The following PAPPA2 variants were observed in gnomAD, a reference collection of about 807,000 sequenced individuals.
PAPPA2 encodes pappalysin 2, also known as pappalysin-2.
PAPPA2 carries 86 observed loss-of-function variants against 176.4 expected under a neutral mutation model. That is an observed-to-expected ratio of 0.49 (90% CI 0.41 to 0.58). The LOEUF (loss-of-function observed/expected upper bound fraction) is 0.58, where lower values mean the gene tolerates loss of function less well. Ranked by LOEUF, PAPPA2 falls within the 20% of genes least tolerant of loss-of-function variation. The pLI, the probability that PAPPA2 is intolerant of heterozygous loss-of-function variation, is 0.00. For missense variants in PAPPA2, 2,073 were observed against 2,256.9 expected, an observed-to-expected ratio of 0.92 and a Z score of 1.65; for synonymous variants, 809 against 852.2, an observed-to-expected ratio of 0.95 and a Z score of 0.88.
At chr1:176,702,006 T>C (rs972269170) in intron 8 of PAPPA2, among the ~76,000 whole-genome samples, 3 of 152,176 alleles carry the variant, frequency 2.0e-5, no homozygotes, top group African/African-American at 7.2e-5. Context: ...ACCTACACAC[T>C]TTAATAGATT....
rs956050524 is a variant in PAPPA2 at position 176,502,947 on chromosome 1, G to A, written c.-917+39529G>A. Among the ~76,000 whole-genome samples, 3 of 152,212 alleles carry A rather than the reference G, an allele frequency of 2.0e-5. No homozygotes were observed. In the South Asian group the frequency reaches 6.2e-4, roughly 32 times the overall value. On this transcript the variant is annotated intron_variant, in intron 1 of 22. Transcript: ENST00000367662. ...CAGTAATCTGTATAGTTAAACACTG[G>A]GGAATAAACATTGTATTACTTGACT... is the stretch of plus-strand genomic sequence containing the variant.
intron 14 of PAPPA2, among the ~76,000 whole-genome samples, chr1:176,743,219 G>A (rs964191378): frequency 6.6e-6 from 1 of 152,066 alleles, no homozygotes; most frequent in African/African-American, 2.4e-5. Flanking sequence ...AAGCATGCAC[G>A]GTTTTTATTT....
At chr1:176,576,465 C>T (rs1378004393) in intron 2 of PAPPA2, among the ~76,000 whole-genome samples, 2 of 125,518 alleles carry the variant, frequency 1.6e-5, no homozygotes, top group Non-Finnish European at 3.3e-5. Context: ...TAGGGAAACA[C>T]GTCAATGGGG....
rs1661082018 is a variant in PAPPA2, at chr1:176,710,178, T to A, written c.3651+2T>A. On this transcript the variant is annotated splice_donor_variant, in intron 11 of 22. Transcript: ENST00000367662. LOFTEE classifies it high-confidence loss of function. ...GTAACTGGAGAACCTCATTCCCTAG[T>A]AAGTTAAGCCAGATGAATAGAGTCG... The A allele has an allele frequency of 6.2e-7, 1 of 1,612,762 alleles. No individual in the cohort carries two copies. The highest frequency in any genetic ancestry group is 8.5e-7 in the Non-Finnish European group (1 of 1,179,324).
chr1:176,836,471 C>T (rs564132695), intron 21 of PAPPA2, among the ~76,000 whole-genome samples: 65 of 152,314 alleles, frequency 4.3e-4, no homozygotes, highest in African/African-American at 1.5e-3. Context: ...TCAGCATGGT[C>T]TTGAGTTCTG....
chr1:176,604,463 G>A (rs1573112984), intron 3 of PAPPA2, among the ~76,000 whole-genome samples: 1 of 152,238 alleles, frequency 6.6e-6, no homozygotes, highest in Non-Finnish European at 1.5e-5. Context: ...ACAGTGGTTG[G>A]CAAACCATGG....
intron 4 of PAPPA2, among the ~76,000 whole-genome samples, chr1:176,672,057 A>T (rs1659035884): frequency 6.6e-6 from 1 of 151,412 alleles, no homozygotes; most frequent in African/African-American, 2.4e-5. Context: ...AACTTAAAGT[A>T]TAATAATAAT....
rs981678159 is a variant in PAPPA2, at chr1:176,844,682, T to G, written c.*2228T>G. On this transcript the variant is annotated 3_prime_UTR_variant, in exon 23 of 23. Coordinates refer to ENST00000367662, the MANE Select transcript of PAPPA2 (RefSeq NM_020318.3). ...GTTTAGACACTCTATTTTCAAAATT[T>G]TATAAACTTGTTTTATTGGGGAAAA... 1 of 152,162 alleles carries G rather than the reference T, an allele frequency of 6.6e-6. No individual in the cohort carries two copies. Among genetic ancestry groups the G allele is most frequent in the African/African-American group, 2.4e-5 (1 of 41,454 alleles). 9.4% of individuals were successfully genotyped at this position (152,162 alleles called of 1,614,324 possible).
chr1:176,675,580 A>G (rs1274619597), intron 4 of PAPPA2, among the ~76,000 whole-genome samples: 1 of 152,096 alleles, frequency 6.6e-6, no homozygotes, highest in East Asian at 1.9e-4. Context: ...AAAATTTACA[A>G]ACTGAAGCTC....
At chr1:176,635,062 T>G (rs1267800731) in intron 3 of PAPPA2, among the ~76,000 whole-genome samples, 1 of 152,012 alleles carries the variant, frequency 6.6e-6, no homozygotes, top group Non-Finnish European at 1.5e-5. Context: ...GGGAAATAAC[T>G]ACATGTTAGA....
At chr1:176,514,394 C>A (rs1450849701) in intron 1 of PAPPA2, among the ~76,000 whole-genome samples, 1 of 152,158 alleles carries the variant, frequency 6.6e-6, no homozygotes, top group Non-Finnish European at 1.5e-5. Flanking sequence ...CCCCATGACC[C>A]AAGCACCTCC....
At chr1:176,583,316 G>GTTTGAAGTGCATTA in intron 2 of PAPPA2, among the ~76,000 whole-genome samples, 1 of 151,792 alleles carries the variant, frequency 6.6e-6, no homozygotes, top group East Asian at 1.9e-4. Context: ...TTGTTACGTT[G>GTTTGAAGTGCATTA]TTGTTTTTTG....
chr1:176,583,231 C>G (rs1028588882), intron 2 of PAPPA2, among the ~76,000 whole-genome samples: 2 of 151,294 alleles, frequency 1.3e-5, no homozygotes, highest in Admixed American at 1.3e-4. Flanking sequence ...TTTATTTTTC[C>G]TTTTATTTTC....
chr1:176,534,170 C>G (rs999602971), intron 1 of PAPPA2, among the ~76,000 whole-genome samples: 1 of 152,162 alleles, frequency 6.6e-6, no homozygotes, highest in Non-Finnish European at 1.5e-5. Flanking sequence ...CCACAGGAAG[C>G]AGTAGGGAAA....
intron 3 of PAPPA2, among the ~76,000 whole-genome samples, chr1:176,620,047 G>C (rs1655498754): frequency 6.6e-6 from 1 of 152,172 alleles, no homozygotes; most frequent in Admixed American, 6.6e-5. Flanking sequence ...AGTTCTAGAG[G>C]CTGGGAAGTC....
chr1:176,547,691 G>C (rs541724221), intron 1 of PAPPA2, among the ~76,000 whole-genome samples: 3 of 152,204 alleles, frequency 2.0e-5, no homozygotes, highest in African/African-American at 7.2e-5. Flanking sequence ...TCTGTCTTAC[G>C]CATTGGAAGA....
chr1:176,778,400 A>G (rs1346768398), intron 17 of PAPPA2, among the ~76,000 whole-genome samples: 1 of 152,146 alleles, frequency 6.6e-6, no homozygotes, highest in Non-Finnish European at 1.5e-5. Flanking sequence ...GTCTGGAAGG[A>G]GAAGGGCAAG....
chr1:176,620,665 C>A (rs1235068919), intron 3 of PAPPA2, among the ~76,000 whole-genome samples: 1 of 152,020 alleles, frequency 6.6e-6, no homozygotes, highest in Non-Finnish European at 1.5e-5. Flanking sequence ...AGTTTCTTGC[C>A]TTAGAGCTTT....
chr1:176,536,384 C>A (rs1250718946), intron 1 of PAPPA2, among the ~76,000 whole-genome samples: 1 of 152,172 alleles, frequency 6.6e-6, no homozygotes, highest in Non-Finnish European at 1.5e-5. Flanking sequence ...CACAATCATG[C>A]TACATAACAA....
Sources: allele counts gnomAD v4.1 joint callset (sites outside exome capture counted in the v4.1 genomes callset), GRCh38; gene constraint gnomAD v4.1.1; transcripts MANE v1.5; gene names NCBI Gene and HGNC (gene_info 2026-07-23, HGNC 2026-07-21).